NKAIN2: variants seen among roughly 807,000 people sequenced by gnomAD.
NKAIN2 encodes the protein sodium/potassium-transporting ATPase subunit beta-1-interacting protein 2.
A neutral mutation model predicts 32.6 loss-of-function variants in NKAIN2; 14 were observed. That is an observed-to-expected ratio of 0.43 (90% CI 0.28 to 0.67). The LOEUF is 0.67. NKAIN2 is among the 30% of genes least tolerant of loss of function. The pLI is 0.17. For synonymous variants in NKAIN2, 80 were observed against 87.2 expected, an observed-to-expected ratio of 0.92 and a Z score of 0.46; for missense variants, 198 against 258.3, an observed-to-expected ratio of 0.77 and a Z score of 1.60.
chr6:124,371,879 A>G (rs1334673368), intron 3 of NKAIN2, among the ~76,000 whole-genome samples: 2 of 151,998 alleles, frequency 1.3e-5, no homozygotes, highest in Admixed American at 6.6e-5. Context: ...CAGTGATTCC[A>G]TTCTGTCGAG....
At chr6:123,823,798 A>G (rs1398466736) in intron 1 of NKAIN2, among the ~76,000 whole-genome samples, 3 of 152,156 alleles carry the variant, frequency 2.0e-5, no homozygotes, top group African/African-American at 7.2e-5. Context: ...GAAGGGTGAA[A>G]CACTGAAGAG....
chr6:124,085,451 A>T (rs1181463996), intron 1 of NKAIN2, among the ~76,000 whole-genome samples: 1 of 151,676 alleles, frequency 6.6e-6, no homozygotes, highest in Non-Finnish European at 1.5e-5. Context: ...AAGTTGGAGG[A>T]TAGGTAGGCA....
chr6:124,234,273 C>G (rs924698657), intron 1 of NKAIN2, among the ~76,000 whole-genome samples: 1 of 152,092 alleles, frequency 6.6e-6, no homozygotes, highest in African/African-American at 2.4e-5. Flanking sequence ...TCCTAAAATA[C>G]TATTTCTTTC....
chr6:124,121,395 A>G (rs1238319374), intron 1 of NKAIN2, among the ~76,000 whole-genome samples: 1 of 152,066 alleles, frequency 6.6e-6, no homozygotes, highest in East Asian at 1.9e-4. Context: ...GTAAGTATAT[A>G]TATTTATAGT....
chr6:124,247,542 G>T (rs898665570), intron 1 of NKAIN2, among the ~76,000 whole-genome samples: 3 of 152,078 alleles, frequency 2.0e-5, no homozygotes, highest in Non-Finnish European at 4.4e-5. Context: ...AACGCTTAGG[G>T]ATGTCCTCAA....
chr6:124,323,676 A>G (rs1366017238), intron 2 of NKAIN2, among the ~76,000 whole-genome samples: 2 of 151,594 alleles, frequency 1.3e-5, no homozygotes, highest in East Asian at 1.9e-4. Flanking sequence ...AAACCACACT[A>G]TCTTGATTAC....
At chr6:124,678,742 G>A (rs894922939) in intron 4 of NKAIN2, among the ~76,000 whole-genome samples, 1 of 152,076 alleles carries the variant, frequency 6.6e-6, no homozygotes, top group Non-Finnish European at 1.5e-5. Context: ...ATTGTGCCAT[G>A]TTTCCCTGTT....
intron 3 of NKAIN2, among the ~76,000 whole-genome samples, chr6:124,610,921 T>C (rs1562282976): frequency 6.6e-6 from 1 of 152,204 alleles, no homozygotes; most frequent in African/African-American, 2.4e-5. Context: ...TGTAACCTTA[T>C]GCATCATCAT....
intron 1 of NKAIN2, among the ~76,000 whole-genome samples, chr6:124,270,197 A>G (rs1181880029): frequency 6.6e-6 from 1 of 152,218 alleles, no homozygotes; most frequent in Non-Finnish European, 1.5e-5. Context: ...TGATGATGGT[A>G]ATGACATTGT....
At chr6:124,552,876 T>A (rs1041535791) in intron 3 of NKAIN2, among the ~76,000 whole-genome samples, 1 of 152,264 alleles carries the variant, frequency 6.6e-6, no homozygotes, top group East Asian at 1.9e-4. Flanking sequence ...TTAAAAGAAA[T>A]GCTGCTTTGG....
chr6:124,098,711 T>C (rs1784749995), intron 1 of NKAIN2, among the ~76,000 whole-genome samples: 1 of 151,670 alleles, frequency 6.6e-6, no homozygotes, highest in African/African-American at 2.4e-5. Flanking sequence ...TCTACTAAAA[T>C]ATACAAAAAT....
chr6:124,205,400 G>C (rs1790817689), intron 1 of NKAIN2, among the ~76,000 whole-genome samples: 1 of 151,558 alleles, frequency 6.6e-6, no homozygotes, highest in Non-Finnish European at 1.5e-5. Flanking sequence ...TATTGGAAAA[G>C]TCTTATATAA....
chr6:123,926,578 C>A (rs1172666109), intron 1 of NKAIN2, among the ~76,000 whole-genome samples: 1 of 151,742 alleles, frequency 6.6e-6, no homozygotes, highest in Non-Finnish European at 1.5e-5. Flanking sequence ...TGCAGCGCTA[C>A]TTTTCTTCTC....
chr6:123,967,759 G>A (rs1372430796), intron 1 of NKAIN2, among the ~76,000 whole-genome samples: 1 of 152,210 alleles, frequency 6.6e-6, no homozygotes, highest in South Asian at 2.1e-4. Flanking sequence ...GAAAGTATTG[G>A]TTCTTACACT....
At chr6:124,336,397 C>T (rs1797858492) in intron 2 of NKAIN2, among the ~76,000 whole-genome samples, 1 of 152,096 alleles carries the variant, frequency 6.6e-6, no homozygotes. Flanking sequence ...AAGAGTTTTC[C>T]TTCCTGGAAG....
At chr6:124,172,830 T>C (rs1774638281) in intron 1 of NKAIN2, among the ~76,000 whole-genome samples, 1 of 152,012 alleles carries the variant, frequency 6.6e-6, no homozygotes, top group Admixed American at 6.5e-5. Flanking sequence ...TTTACATTAA[T>C]ATTCAGAAAT....
intron 1 of NKAIN2, among the ~76,000 whole-genome samples, chr6:123,810,192 A>G (rs1410273282): frequency 6.6e-6 from 1 of 152,066 alleles, no homozygotes; most frequent in African/African-American, 2.4e-5. Context: ...TTTTTAAGTC[A>G]TCCTCTTAGT....
At chr6:124,472,455 A>T (rs1349191550) in intron 3 of NKAIN2, among the ~76,000 whole-genome samples, 2 of 152,158 alleles carry the variant, frequency 1.3e-5, no homozygotes, top group African/African-American at 4.8e-5. Flanking sequence ...TCATCTGTAC[A>T]TAAGCCATCT....
chr6:123,818,450 A>G (rs1773791711), intron 1 of NKAIN2, among the ~76,000 whole-genome samples: 1 of 151,890 alleles, frequency 6.6e-6, no homozygotes, highest in African/African-American at 2.4e-5. Flanking sequence ...TAAGCTATTA[A>G]CATTTTTTAG....
Sources: gnomAD v4.1 joint callset for allele counts (sites outside exome capture counted in the v4.1 genomes callset) on GRCh38, gnomAD v4.1.1 for gene constraint, MANE v1.5 for transcripts, NCBI Gene and HGNC (gene_info 2026-07-23, HGNC 2026-07-21) for gene names.